CPSF4L: variants seen among roughly 807,000 people sequenced by gnomAD.
CPSF4L encodes the protein putative cleavage and polyadenylation specificity factor subunit 4-like protein.
Under a neutral mutation model 24.0 loss-of-function variants are expected in CPSF4L, and 18 were observed. The observed-to-expected ratio is 0.75, with a 90% CI of 0.52 to 1.11. The LOEUF (loss-of-function observed/expected upper bound fraction) is 1.11. Ranked by LOEUF, CPSF4L falls within the 50% of genes least tolerant of loss-of-function variation. The pLI is 0.00. For missense variants in CPSF4L, 211 were observed against 221.8 expected, an observed-to-expected ratio of 0.95 and a Z score of 0.31; for synonymous variants, 72 against 77.2, an observed-to-expected ratio of 0.93 and a Z score of 0.35.
chr17:73,247,505 T>G (rs951727098), downstream of CPSF4L: 6 of 619,014 alleles, frequency 9.7e-6, no homozygotes, highest in African/African-American at 9.2e-5. Context: ...CTGCTATAAA[T>G]AAAGTAGTAT....
At chr17:73,249,474 C>T (rs2061993502) in intron 5 of CPSF4L, among the ~76,000 whole-genome samples, 1 of 152,162 alleles carries the variant, frequency 6.6e-6, no homozygotes. Context: ...AACTGGCATT[C>T]AACCCCCCAA....
intron 2 of CPSF4L, among the ~76,000 whole-genome samples, chr17:73,260,622 C>A (rs563757538): frequency 1.3e-5 from 2 of 152,216 alleles, no homozygotes; most frequent in Non-Finnish European, 2.9e-5. Flanking sequence ...CAAAAATTAG[C>A]CGGGCTTGGT....
At chr17:73,242,282 T>C in the CPSF4L span, 2 of 1,606,344 alleles carry the variant, frequency 1.2e-6, no homozygotes, top group Non-Finnish European at 1.7e-6. Flanking sequence ...TATAAGGAGT[T>C]TGGAACCCCC....
downstream of CPSF4L, among the ~76,000 whole-genome samples, chr17:73,246,966 G>T (rs990664844): frequency 2.0e-5 from 3 of 152,104 alleles, no homozygotes; most frequent in Non-Finnish European, 2.9e-5. Flanking sequence ...AAACTCTCAA[G>T]GTGAGAAGGT....
At chr17:73,245,262 T>C, downstream of CPSF4L, 1 of 1,568,342 alleles carries the variant, frequency 6.4e-7, no homozygotes, top group Non-Finnish European at 8.6e-7. Context: ...CAATACATAC[T>C]TAACAGTTTA....
chr17:73,261,977 T>C, upstream of CPSF4L: 3 of 621,472 alleles, frequency 4.8e-6, no homozygotes, highest in Non-Finnish European at 8.5e-6. Context: ...CAGCCTGGGC[T>C]GTACAGGAGC....
chr17:73,244,007 T>A (rs1036713061), downstream of CPSF4L, among the ~76,000 whole-genome samples: 10 of 152,218 alleles, frequency 6.6e-5, no homozygotes, highest in Admixed American at 6.5e-4. Context: ...CACTTACCAA[T>A]GTGTCTAAGT....
intron 2 of CPSF4L, among the ~76,000 whole-genome samples, chr17:73,260,486 G>A (rs921432295): frequency 2.6e-5 from 4 of 152,188 alleles, no homozygotes; most frequent in Non-Finnish European, 5.9e-5. Context: ...CTGCTCCATG[G>A]CCGGGCATGG....
downstream of CPSF4L, among the ~76,000 whole-genome samples, chr17:73,244,328 C>T (rs138757648): frequency 0.018 from 2,776 of 152,020 alleles, 89 homozygotes; most frequent in African/African-American, 0.062. Context: ...TTTGGGAGGC[C>T]GAGGCTGGCA....
At chr17:73,252,593 C>T (rs543474279) in intron 5 of CPSF4L, 37 bp downstream of exon 5, 2 of 1,301,754 alleles carry the variant, frequency 1.5e-6, no homozygotes, top group East Asian at 2.5e-5. Context: ...AGGCCTAGCA[C>T]TCTGGTGGGA....
chr17:73,257,807 G>C lies in CPSF4L; in HGVS notation c.181C>G (p.Arg61Gly). 6.4e-7 allele frequency: 1 copy of C among 1,551,486 alleles called. No individual in the cohort carries two copies. The highest frequency in any genetic ancestry group is 2.4e-5 in the East Asian group (1 of 40,886). ...KGKLCPFRHD[R>G]GEKMVVCKHW... ...TTGCATACCACCATCTTCTCCCCTC[G>C]GTCATGTCGGAAGGGGCAGAGTTTC... The change falls in exon 3 of 6, where the codon CGA (arginine) becomes GGA (glycine). Residue 61 changes from arginine to glycine, a missense_variant. Transcript: ENST00000344935.
At chr17:73,242,147 C>A in the CPSF4L span, 1 of 710,360 alleles carries the variant, frequency 1.4e-6, no homozygotes, top group South Asian at 2.1e-5. Context: ...AGAATATGCT[C>A]TTCCTGAGGC....
At chr17:73,246,281 C>T (rs1017349703), downstream of CPSF4L, among the ~76,000 whole-genome samples, 1 of 152,104 alleles carries the variant, frequency 6.6e-6, no homozygotes, top group Non-Finnish European at 1.5e-5. Context: ...CGCCTGTAAT[C>T]CCAGCACTTT....
downstream of CPSF4L, among the ~76,000 whole-genome samples, chr17:73,246,836 G>A (rs1355119832): frequency 1.3e-5 from 2 of 152,128 alleles, no homozygotes; most frequent in Non-Finnish European, 2.9e-5. Flanking sequence ...GAACTTCATT[G>A]GAACCCAGAA....
the CPSF4L span, chr17:73,243,077 A>G: frequency 3.9e-5 from 17 of 438,578 alleles, no homozygotes; most frequent in Middle Eastern, 6.9e-4. Flanking sequence ...GATTCTCTGA[A>G]TTTTTTTTTT....
chr17:73,259,379 G>T (rs1447766462), intron 2 of CPSF4L, among the ~76,000 whole-genome samples: 1 of 151,720 alleles, frequency 6.6e-6, no homozygotes, highest in Non-Finnish European at 1.5e-5. Context: ...ATGTTTTGTA[G>T]AGATGGGGTC....
chr17:73,257,710 A>T lies in CPSF4L; in HGVS notation c.278T>A (p.Met93Lys). 6.4e-7 allele frequency: 1 copy of T among 1,551,724 alleles called. No homozygotes were observed. The highest frequency in any genetic ancestry group is 8.7e-7 in the Non-Finnish European group (1 of 1,147,030). ...CTTGGAGTAGAAGTAGCACTCAGGC[A>T]TCCTGGTGAGGTCATACTGGTGCAG... ...KFLHQYDLTRMPECYFYSKFG... is the reference protein window; with the variant it reads ...KFLHQYDLTRKPECYFYSKFG... The change falls in exon 3 of 6, where the codon ATG becomes AAG. Residue 93 changes from methionine to lysine, a missense_variant. Transcript: ENST00000344935.
chr17:73,253,750 A>T (rs2062014050), intron 4 of CPSF4L, among the ~76,000 whole-genome samples, 181 bp downstream of exon 4: 1 of 152,220 alleles, frequency 6.6e-6, no homozygotes, highest in African/African-American at 2.4e-5. Flanking sequence ...CAAGCCTGTT[A>T]TGGCCCCACA....
At position 73,260,916 on chromosome 17, in the gene CPSF4L, C is replaced by G; in HGVS notation, c.154+17G>C. The G allele has an allele frequency of 6.5e-7, 1 of 1,549,412 alleles. No individual in the cohort carries two copies. The highest frequency in any genetic ancestry group is 8.7e-7 in the Non-Finnish European group (1 of 1,145,164). Reference sequence around the variant, plus strand: ...ACACTCACCCAGCTTGGGGCCCAGGCCTGTCTGCTAACTCACCTTTCTCAC... The same window carrying G: ...ACACTCACCCAGCTTGGGGCCCAGGGCTGTCTGCTAACTCACCTTTCTCAC... On this transcript the variant is annotated intron_variant, in intron 2 of 5. Transcript: ENST00000344935.
Sources: allele counts gnomAD v4.1 joint callset (sites outside exome capture counted in the v4.1 genomes callset), GRCh38; gene constraint gnomAD v4.1.1; transcripts MANE v1.5; gene names NCBI Gene and HGNC (gene_info 2026-07-23, HGNC 2026-07-21).